Variants in CNTNAP1 observed in about 807,000 individuals in gnomAD.
CNTNAP1 encodes the protein contactin associated protein 1.
Under a neutral mutation model 161.5 loss-of-function variants are expected in CNTNAP1, and 80 were observed. The observed-to-expected ratio is 0.50, with a 90% CI of 0.41 to 0.60. The LOEUF (loss-of-function observed/expected upper bound fraction) is 0.60. CNTNAP1 is among the 20% of genes least tolerant of loss of function. The pLI, the probability that CNTNAP1 is intolerant of heterozygous loss-of-function variation, is 0.00. For synonymous variants in CNTNAP1, 695 were observed against 733.1 expected, an observed-to-expected ratio of 0.95 and a Z score of 0.84; for missense variants, 1,464 against 1,854.8, an observed-to-expected ratio of 0.79 and a Z score of 3.87.
intron 23 of CNTNAP1, 88 bp from the exon 24 acceptor site, chr17:42,698,530 A>AGTGT (rs1555644478): frequency 1.9e-6 from 2 of 1,039,652 alleles, no homozygotes; most frequent in African/African-American, 1.9e-5. Flanking sequence ...AATCTCAAAG[A>AGTGT]GTGCGTGTGT....
chr17:42,689,423 TG>T, intron 10 of CNTNAP1, 97 bp from the exon 11 acceptor site: 3 of 955,368 alleles, frequency 3.1e-6, no homozygotes, highest in Non-Finnish European at 4.8e-6. Flanking sequence ...CACCGGGTTC[TG>T]GGGCTTCAAG....
In CNTNAP1 at chr17:42,690,304, G is replaced by A. The variant is rs528279525; in HGVS notation, c.1855+97G>A. ...GTTAGACTAAACAAGTGAGGGTAAA[G>A]GAGGACAGAGGGGAAGGGCATACTG... On this transcript the variant is annotated intron_variant, in intron 12 of 23. Transcript: ENST00000264638. 1.1e-5 allele frequency: 16 copies of A among 1,422,516 alleles called. No individual in the cohort carries two copies. In the East Asian group the frequency reaches 3.0e-4, roughly 27 times the overall value. 88.1% of individuals were successfully genotyped at this position (1,422,516 alleles called of 1,614,324 possible). A position where few individuals can be genotyped will look rare whatever the true frequency, so the allele number is the denominator to read the frequency against.
chr17:42,682,783 G>T lies in CNTNAP1; in HGVS notation c.-47G>T. 1 of 1,541,706 alleles carries T rather than the reference G, an allele frequency of 6.5e-7. No homozygotes were observed. Among genetic ancestry groups the T allele is most frequent in the Non-Finnish European group, 8.7e-7 (1 of 1,144,622 alleles). On this transcript the variant is annotated 5_prime_UTR_variant, in exon 1 of 24. Transcript: ENST00000264638. The stretch of plus-strand genomic sequence containing the variant: ...AGCCCAAGCCAGAACTCGAGCCCTA[G>T]CCGGAGCCGTTCACAGGGAGGCGGC...
intron 6 of CNTNAP1, 39 bp downstream of exon 6, chr17:42,686,180 A>C (rs1567970290): frequency 6.2e-7 from 1 of 1,600,416 alleles, no homozygotes; most frequent in South Asian, 1.1e-5. Context: ...GGTAGGGTAG[A>C]TGCTGGATGA....
In CNTNAP1 at chr17:42,685,114, C is replaced by A. The variant is rs757050594; in HGVS notation, c.487C>A (p.Leu163Ile). 1.9e-6 allele frequency: 3 copies of A among 1,583,742 alleles called. No individual in the cohort carries two copies. Among genetic ancestry groups the A allele is most frequent in the Non-Finnish European group, 2.6e-6 (3 of 1,163,570 alleles). Residue 163 changes from leucine (L) to isoleucine (I), a missense_variant, in exon 4 of 24, where the codon CTC (leucine) becomes ATC (isoleucine). This residue lies in a region of CNTNAP1 where 1,383 missense variants were observed against 1,765.0 expected (regional missense o/e 0.78). Coordinates refer to ENST00000264638, the MANE Select transcript of CNTNAP1 (RefSeq NM_003632.3). This position sits in a 1 kb window ranked among gnomAD's most constrained non-coding sequence, Gnocchi z 5.0. ...CCCACGCGGCAAGATCGGCCTGAGG[C>A]TCGGCCTCTATGGCTGCCCATACAG... ...WNPRGKIGLRLGLYGCPYKAD... is the reference protein window; with the variant it reads ...WNPRGKIGLRIGLYGCPYKAD...
At position 42,682,585 on chromosome 17, in the gene CNTNAP1, A is replaced by C; in HGVS notation, c.-245A>C. 1 of 523,114 alleles carries C rather than the reference A, an allele frequency of 1.9e-6. No homozygotes were observed. The highest frequency in any genetic ancestry group is 3.5e-5 in the East Asian group (1 of 28,232). The allele number at this position is 523,114 out of a possible 1,614,324, so 32.4% of individuals were successfully genotyped here. On this transcript the variant is annotated 5_prime_UTR_variant, in exon 1 of 24. Coordinates refer to ENST00000264638, the MANE Select transcript of CNTNAP1 (RefSeq NM_003632.3). ...TGGGGAAGGGGGGAGGTGAGAGGAA[A>C]GAGGGTGGAAAGGAGAGGATAGAGA...
Position 42,690,167 on chromosome 17 carries a change from T to G in CNTNAP1, c.1815T>G (p.Ser605Arg). 1 of 1,614,052 alleles carries G rather than the reference T, an allele frequency of 6.2e-7. No homozygotes were observed. Among genetic ancestry groups the G allele is most frequent in the Non-Finnish European group, 8.5e-7 (1 of 1,179,988 alleles). The part of the protein sequence containing the change: ...SGNFTIDPDG[S>R]GPLKPFVVYC... ...ACTTCACCATTGATCCTGATGGCAG[T>G]GGCCCCCTGAAGCCATTTGTAGTGT... Residue 605 changes from serine (S) to arginine (R), a missense_variant, in exon 12 of 24, where the codon AGT becomes AGG. Ser to Arg is a moderately radical substitution (Grantham distance 110). Coordinates refer to ENST00000264638, the MANE Select transcript of CNTNAP1 (RefSeq NM_003632.3).
rs542440020 is a variant in CNTNAP1 at position 42,691,103 on chromosome 17, C to G, written c.2060-34C>G. 6.8e-6 allele frequency: 11 copies of G among 1,609,378 alleles called. No individual in the cohort carries two copies. In the African/African-American group the frequency reaches 8.0e-5, roughly 12 times the overall value. Reference sequence around the variant, plus strand: ...AGGAGCCCAGAGGCTAATGGAGGGACAGGGCCTGGAAGCTGCCTGCACCTC... The same window carrying G: ...AGGAGCCCAGAGGCTAATGGAGGGAGAGGGCCTGGAAGCTGCCTGCACCTC... On this transcript the variant is annotated intron_variant, in intron 13 of 23. Coordinates refer to ENST00000264638, the MANE Select transcript of CNTNAP1 (RefSeq NM_003632.3). This position sits in a 1 kb window ranked among gnomAD's most constrained non-coding sequence, Gnocchi z 4.3.
chr17:42,689,437 G>A, intron 10 of CNTNAP1, 84 bp from the exon 11 acceptor site: 2 of 1,087,474 alleles, frequency 1.8e-6, no homozygotes, highest in South Asian at 1.4e-5. Flanking sequence ...GCTTCAAGGA[G>A]CTGGGAGTGA....
At position 42,686,154 on chromosome 17, in the gene CNTNAP1, G is replaced by A. The variant is rs780551692; in HGVS notation, c.900+13G>A. 4.3e-6 allele frequency: 7 copies of A among 1,613,338 alleles called. No individual in the cohort carries two copies. Among genetic ancestry groups the A allele is most frequent in the Non-Finnish European group, 5.9e-6 (7 of 1,179,396 alleles). On this transcript the variant is annotated intron_variant, in intron 6 of 23. Transcript: ENST00000264638. ...CCTGGACACTGAGGTGAGAGACTAGGGAGGTGCTATTTCGTGGTAGGGTAG... is the reference window on the plus strand; with the variant it reads ...CCTGGACACTGAGGTGAGAGACTAGAGAGGTGCTATTTCGTGGTAGGGTAG...
At chr17:42,692,360 A>T in intron 16 of CNTNAP1, 139 bp from the exon 17 acceptor site, 1 of 727,194 alleles carries the variant, frequency 1.4e-6, no homozygotes, top group Non-Finnish European at 2.3e-6. Context: ...GTAAGTTTCA[A>T]TGCAAGCTAC....
intron 1 of CNTNAP1, 156 bp downstream of exon 1, chr17:42,683,052 G>A: frequency 2.7e-6 from 2 of 743,778 alleles, no homozygotes; most frequent in Non-Finnish European, 4.2e-6. Context: ...CCCGCGCTCC[G>A]CATTGCAGCT....
At position 42,695,512 on chromosome 17, in the gene CNTNAP1, T is replaced by TA. The variant is rs1206755805; in HGVS notation, c.2993-8dup. 9 of 1,597,850 alleles carry TA rather than the reference T, an allele frequency of 5.6e-6. No homozygotes were observed. Among genetic ancestry groups the TA allele is most frequent in the Non-Finnish European group, 7.7e-6 (9 of 1,168,242 alleles). Reference sequence around the variant, plus strand: ...GTGGGGGCCCTAACCTCCCTGCTTCTACCTGCAGATATTGGTGGTTTCTTT... The same window carrying TA: ...GTGGGGGCCCTAACCTCCCTGCTTCTAACCTGCAGATATTGGTGGTTTCTTT... On this transcript the variant is annotated splice_polypyrimidine_tract_variant and intron_variant, in intron 18 of 23. Transcript: ENST00000264638.
intron 1 of CNTNAP1, chr17:42,683,412 G>A (rs2052962998): frequency 2.7e-6 from 3 of 1,091,732 alleles, no homozygotes; most frequent in African/African-American, 3.3e-5. Flanking sequence ...TGGGTGCAAG[G>A]CCTGTATTTG....
chr17:42,685,239 C>G lies in CNTNAP1; in HGVS notation c.534C>G (p.Asp178Glu). 6.2e-7 allele frequency: 1 copy of G among 1,613,794 alleles called. No homozygotes were observed. The highest frequency in any genetic ancestry group is 1.1e-5 in the South Asian group (1 of 91,088). Residue 178 changes from aspartate (D) to glutamate (E), a missense_variant, in exon 5 of 24, where the codon GAC becomes GAG. Coordinates refer to ENST00000264638, the MANE Select transcript of CNTNAP1 (RefSeq NM_003632.3). This position sits in a 1 kb window ranked among gnomAD's most constrained non-coding sequence, Gnocchi z 5.0. ...CPYKADILYF[D>E]GDDAISYRFP... ...CAGAGGCCGACATACTCTATTTCGACGGCGACGATGCCATCTCCTACCGCT... is the reference window on the plus strand; with the variant it reads ...CAGAGGCCGACATACTCTATTTCGAGGGCGACGATGCCATCTCCTACCGCT...
chr17:42,686,699 G>C (rs1298751069), intron 6 of CNTNAP1, among the ~76,000 whole-genome samples: 2 of 152,226 alleles, frequency 1.3e-5, no homozygotes, highest in Admixed American at 1.3e-4. Context: ...GCCCAAGGGC[G>C]TGCAGCCGAT....
chr17:42,691,990 C>T lies in CNTNAP1; in HGVS notation c.2529C>T (p.Asn843=), dbSNP rs2143665613. Residue 843 remains asparagine (N), a splice_region_variant and synonymous_variant, in exon 16 of 24, where the codon AAC becomes AAT. Transcript: ENST00000264638. This position sits in a 1 kb window ranked among gnomAD's most constrained non-coding sequence, Gnocchi z 4.3. ...WRRPYVRVEL[N]TSRDVVFAFD... ...GACCTTATGTGCGGGTGGAACTCAA[C>T]AGTGAGCAGGCAGACTGTGGGAGGG... 2 of 1,613,350 alleles carry T rather than the reference C, an allele frequency of 1.2e-6. No homozygotes were observed. Among genetic ancestry groups the T allele is most frequent in the Non-Finnish European group, 1.7e-6 (2 of 1,179,358 alleles).
At position 42,688,934 on chromosome 17, in the gene CNTNAP1, C is replaced by G. The variant is rs747011393; in HGVS notation, c.1515C>G (p.Gly505=). 2 of 1,614,114 alleles carry G rather than the reference C, an allele frequency of 1.2e-6. No homozygotes were observed. The highest frequency in any genetic ancestry group is 1.7e-6 in the Non-Finnish European group (2 of 1,180,008). The change falls in exon 10 of 24, where the codon GGC becomes GGG. Residue 505 remains glycine, a synonymous_variant. Transcript: ENST00000264638. ...DCHSNQTAFH[G]CMELLKVDGQ... is the part of the protein sequence containing the mutation. ...ACTCCAACCAGACGGCATTCCATGG[C>G]TGCATGGAGCTGCTCAAGGTGGATG...
rs2053086109 is a variant in CNTNAP1, at chr17:42,691,512, G to A, written c.2344+1G>A. 2.5e-6 allele frequency: 4 copies of A among 1,613,846 alleles called. No homozygotes were observed. Among genetic ancestry groups the A allele is most frequent in the East Asian group, 2.2e-5 (1 of 44,884 alleles). On this transcript the variant is annotated splice_donor_variant, in intron 15 of 23. Transcript: ENST00000264638. LOFTEE classifies it high-confidence loss of function. This position sits in a 1 kb window ranked among gnomAD's most constrained non-coding sequence, Gnocchi z 4.3. ...AGGCCTCTGCGCTGCTATGGCGATC[G>A]TGAGTGGCAGTCCCCTTTTGTGTGC...
Sources: gnomAD v4.1 joint callset for allele counts (sites outside exome capture counted in the v4.1 genomes callset) on GRCh38, gnomAD v4.1.1 for gene constraint, gnomAD v4.1.1 regional missense constraint, Gnocchi (gnomAD v3.1) non-coding constraint, MANE v1.5 for transcripts, NCBI Gene and HGNC (gene_info 2026-07-23, HGNC 2026-07-21) for gene names.